Variants in NKD1 observed in about 807,000 individuals in gnomAD.
NKD1 encodes the protein protein naked cuticle homolog 1.
Under a neutral mutation model 56.0 loss-of-function variants are expected in NKD1, and 21 were observed. That is an observed-to-expected ratio of 0.38 (90% CI 0.27 to 0.54). NKD1 has a LOEUF of 0.54. Among genes scored for constraint, NKD1 ranks in the 20% least tolerant of loss-of-function variants. The probability of loss-of-function intolerance (pLI) is 0.82; values close to 1 mark genes in which losing one functional copy is unlikely to be tolerated. For synonymous variants in NKD1, 263 were observed against 265.7 expected, an observed-to-expected ratio of 0.99 and a Z score of 0.10; for missense variants, 578 against 642.7, an observed-to-expected ratio of 0.90 and a Z score of 1.09.
At chr16:50,563,300 G>C (rs1960684316) in intron 3 of NKD1, among the ~76,000 whole-genome samples, 2 of 151,774 alleles carry the variant, frequency 1.3e-5, no homozygotes, top group East Asian at 3.9e-4. Context: ...AGTGGGCACA[G>C]TCCTGGACCC....
chr16:50,592,119 G>A (rs908780141), intron 3 of NKD1, among the ~76,000 whole-genome samples: 2 of 152,256 alleles, frequency 1.3e-5, no homozygotes, highest in African/African-American at 4.8e-5. Context: ...CGCCAGGCCT[G>A]TGTTTTGAGC....
At chr16:50,581,793 G>A (rs1161111496) in intron 3 of NKD1, among the ~76,000 whole-genome samples, 1 of 152,242 alleles carries the variant, frequency 6.6e-6, no homozygotes, top group African/African-American at 2.4e-5. Context: ...TTAGCTTACA[G>A]AGGAGTGGGA....
intron 3 of NKD1, among the ~76,000 whole-genome samples, chr16:50,580,737 A>G (rs921508710): frequency 6.6e-6 from 1 of 152,180 alleles, no homozygotes; most frequent in South Asian, 2.1e-4. Flanking sequence ...TGGAAAAGCT[A>G]ATATCATTGG....
intron 3 of NKD1, among the ~76,000 whole-genome samples, chr16:50,584,555 C>G (rs1421132258): frequency 1.3e-5 from 2 of 152,180 alleles, no homozygotes; most frequent in East Asian, 3.8e-4. Flanking sequence ...CCTCAGTTTT[C>G]TCATCTGTAA....
chr16:50,595,616 G>A (rs1961455847), intron 3 of NKD1, among the ~76,000 whole-genome samples: 1 of 152,124 alleles, frequency 6.6e-6, no homozygotes, highest in African/African-American at 2.4e-5. Flanking sequence ...ATGACTCTAA[G>A]TCTCCCCATC....
intron 4 of NKD1, among the ~76,000 whole-genome samples, chr16:50,612,055 G>T (rs1475694104): frequency 2.0e-5 from 3 of 152,088 alleles, no homozygotes; most frequent in Admixed American, 1.3e-4. Flanking sequence ...AGGCCTCCCC[G>T]TACTCCTGGT....
intron 6 of NKD1, among the ~76,000 whole-genome samples, chr16:50,625,885 C>T (rs1450497497): frequency 6.6e-6 from 1 of 152,238 alleles, no homozygotes; most frequent in Admixed American, 6.5e-5. Context: ...TGGAGATGGC[C>T]CCAAGGCCCT....
chr16:50,646,356 CGAG>C lies in NKD1; in HGVS notation c.*12578_*12580del, dbSNP rs1962677817. The stretch of plus-strand genomic sequence containing the variant: ...CCTACAAAGAGGTTTCCAAAAAAGA[CGAG>C]GAAGAAAAAGAGGGGGGGGGGAGAG... On this transcript the variant is annotated 3_prime_UTR_variant, in exon 10 of 10. Coordinates refer to ENST00000268459, the MANE Select transcript of NKD1 (RefSeq NM_033119.5). 1 of 104,386 alleles carries C rather than the reference CGAG, an allele frequency of 9.6e-6. No homozygotes were observed. Among genetic ancestry groups the C allele is most frequent in the Admixed American group, 1.1e-4 (1 of 9,392 alleles). The allele number at this position is 104,386 out of a possible 1,614,324, so 6.5% of individuals were successfully genotyped here. A position where few individuals can be genotyped will look rare whatever the true frequency, so the allele number is the denominator to read the frequency against.
chr16:50,548,977 C>G, intron 2 of NKD1: 1 of 961,386 alleles, frequency 1.0e-6, no homozygotes, highest in Non-Finnish European at 1.2e-6. Flanking sequence ...AACCCCTCCC[C>G]CTCCCGCGTC....
At chr16:50,606,223 A>C (rs1961706287) in intron 3 of NKD1, 1 of 153,028 alleles carries the variant, frequency 6.5e-6, no homozygotes, top group African/African-American at 2.4e-5. Context: ...ACGCCTGGCT[A>C]ATTTTTTGTA....
chr16:50,562,445 T>A (rs1448558409), intron 3 of NKD1: 1 of 180,754 alleles, frequency 5.5e-6, no homozygotes, highest in African/African-American at 2.4e-5. Flanking sequence ...CATGTGCTAC[T>A]TTTTGTATTT....
At chr16:50,549,215 C>A (rs534053154) in intron 2 of NKD1, among the ~76,000 whole-genome samples, 4 of 151,844 alleles carry the variant, frequency 2.6e-5, no homozygotes, top group East Asian at 3.9e-4. Context: ...CCTCTTGCCC[C>A]CTTCTGGCTC....
intron 3 of NKD1, among the ~76,000 whole-genome samples, chr16:50,586,327 T>C (rs1961228855): frequency 6.8e-6 from 1 of 146,512 alleles, no homozygotes; most frequent in African/African-American, 2.5e-5. Flanking sequence ...TCAAAGAGTT[T>C]CCCTGTTTGA....
intron 3 of NKD1, among the ~76,000 whole-genome samples, chr16:50,566,706 G>A (rs1960766209): frequency 6.6e-6 from 1 of 152,234 alleles, no homozygotes; most frequent in South Asian, 2.1e-4. Context: ...TAAGGACAGG[G>A]CAGCTAGGTA....
chr16:50,565,885 CCAT>C (rs1960748447), intron 3 of NKD1, among the ~76,000 whole-genome samples: 1 of 152,182 alleles, frequency 6.6e-6, no homozygotes, highest in East Asian at 1.9e-4. Flanking sequence ...TAAGGATAGA[CCAT>C]CATTGCATTG....
In NKD1 at chr16:50,598,701, C is replaced by G. The variant is rs1961530060; in HGVS notation, c.193-9593C>G. Among the ~76,000 whole-genome samples, 1 of 152,228 alleles carries G rather than the reference C, an allele frequency of 6.6e-6. No homozygotes were observed. The highest frequency in any genetic ancestry group is 6.5e-5 in the Admixed American group (1 of 15,286). ...GCCCTCGGGCCTCTCCTCTTATCAG[C>G]ACTCGGCTGTGTGGCGTGGCGGGCC... is the stretch of plus-strand genomic sequence containing the variant. On this transcript the variant is annotated intron_variant, in intron 3 of 9. Transcript: ENST00000268459. The surrounding 1 kb of genome is among the most constrained non-coding windows in gnomAD (Gnocchi z 4.2).
intron 3 of NKD1, chr16:50,606,693 C>T: frequency 2.3e-6 from 1 of 433,072 alleles, no homozygotes; most frequent in Non-Finnish European, 4.8e-6. Flanking sequence ...CTCATTGATG[C>T]TGTCACCCGG....
chr16:50,603,900 G>A (rs1299237397), intron 3 of NKD1, among the ~76,000 whole-genome samples: 2 of 152,208 alleles, frequency 1.3e-5, no homozygotes, highest in African/African-American at 4.8e-5. Context: ...GGCACCACTG[G>A]GACTTAGGAA....
chr16:50,633,580 C>A lies in NKD1; in HGVS notation c.1212C>A (p.His404Gln). Residue 404 changes from histidine (H) to glutamine (Q), a missense_variant, in exon 10 of 10, where the codon CAC (histidine) becomes CAA (glutamine). Coordinates refer to ENST00000268459, the MANE Select transcript of NKD1 (RefSeq NM_033119.5). The surrounding 1 kb of genome is among the most constrained non-coding windows in gnomAD (Gnocchi z 4.9). The stretch of plus-strand genomic sequence containing the variant: ...CCCTCGGGCACAAGAAGCACAAGCA[C>A]CGAGCCAAGGAGAGCCAGCAGGGCT... ...LAPLGHKKHKHRAKESQQGCR... is the reference protein window; with the variant it reads ...LAPLGHKKHKQRAKESQQGCR... 1 of 1,611,678 alleles carries A rather than the reference C, an allele frequency of 6.2e-7. No individual in the cohort carries two copies. The highest frequency in any genetic ancestry group is 1.1e-5 in the South Asian group (1 of 90,980).
Sources: gnomAD v4.1 joint callset for allele counts (sites outside exome capture counted in the v4.1 genomes callset) on GRCh38, gnomAD v4.1.1 for gene constraint, Gnocchi (gnomAD v3.1) non-coding constraint, MANE v1.5 for transcripts, NCBI Gene and HGNC (gene_info 2026-07-23, HGNC 2026-07-21) for gene names.